The following DSE variants were observed in gnomAD, a reference collection of about 807,000 sequenced individuals.
The protein encoded by DSE is dermatan sulfate epimerase.
A neutral mutation model predicts 84.4 loss-of-function variants in DSE; 36 were observed. That is an observed-to-expected ratio of 0.43 (90% CI 0.33 to 0.56). DSE has a LOEUF of 0.56. Among genes scored for constraint, DSE ranks in the 20% least tolerant of loss-of-function variants. The probability of loss-of-function intolerance (pLI) is 0.06; values close to 1 mark genes in which losing one functional copy is unlikely to be tolerated. For synonymous variants in DSE, 410 were observed against 430.1 expected, an observed-to-expected ratio of 0.95 and a Z score of 0.58; for missense variants, 862 against 1,169.6, an observed-to-expected ratio of 0.74 and a Z score of 3.84.
rs1774842997 is a variant in DSE at position 116,299,216 on chromosome 6, C to G, written c.-54+40249C>G. 3.9e-5 allele frequency among the ~76,000 whole-genome samples: 6 copies of G among 152,006 alleles called. 1 individual carries two copies. Among genetic ancestry groups the G allele is most frequent in the Admixed American group, 3.9e-4 (6 of 15,254 alleles). ...TAGAAATTGCACAGTTGTGTCCACT[C>G]TCATGCCACTGGCAAAACTTGGTTT... On this transcript the variant is annotated intron_variant, in intron 2 of 3. Coordinates refer to the DSE transcript ENST00000430252.
chr6:116,433,059 A>G (rs569806857), intron 4 of DSE: 1 of 413,696 alleles, frequency 2.4e-6, no homozygotes, highest in East Asian at 5.0e-5. Flanking sequence ...TAGCATGAAC[A>G]TTGGAAAATG....
chr6:116,417,865 G>A (rs1782817139), intron 2 of DSE, among the ~76,000 whole-genome samples: 1 of 152,038 alleles, frequency 6.6e-6, no homozygotes, highest in East Asian at 1.9e-4. Context: ...CAGTGTCAAA[G>A]GTAAACAATA....
chr6:116,261,375 G>C (rs1772408200), intron 2 of DSE, among the ~76,000 whole-genome samples: 1 of 151,908 alleles, frequency 6.6e-6, no homozygotes, highest in Non-Finnish European at 1.5e-5. Context: ...TTTTTTGTGT[G>C]GCTATTGTGA....
chr6:116,296,183 C>T (rs1014360453), intron 2 of DSE, among the ~76,000 whole-genome samples: 20 of 152,212 alleles, frequency 1.3e-4, no homozygotes, highest in African/African-American at 4.8e-4. Flanking sequence ...TTGTGTATAA[C>T]CTACACACAT....
At chr6:116,312,440 A>G (rs1299936292) in intron 2 of DSE, among the ~76,000 whole-genome samples, 2 of 152,206 alleles carry the variant, frequency 1.3e-5, no homozygotes, top group Admixed American at 6.5e-5. Context: ...TGGCCCTTGA[A>G]GAACAGAAGG....
intron 2 of DSE, among the ~76,000 whole-genome samples, chr6:116,265,608 G>T (rs1772588882): frequency 6.6e-6 from 1 of 152,094 alleles, no homozygotes; most frequent in Non-Finnish European, 1.5e-5. Flanking sequence ...CTCCCTGCTG[G>T]TTAAGCATGG....
chr6:116,334,664 A>C (rs376319757), intron 2 of DSE, among the ~76,000 whole-genome samples: 6 of 152,290 alleles, frequency 3.9e-5, no homozygotes, highest in Admixed American at 3.9e-4. Flanking sequence ...TGAGTTTTCC[A>C]TTTAAGTCTT....
intron 2 of DSE, chr6:116,279,014 G>T: frequency 1.2e-6 from 2 of 1,614,118 alleles, no homozygotes; most frequent in Non-Finnish European, 1.7e-6. Flanking sequence ...GGGATATTCT[G>T]AATGATGTAG....
chr6:116,397,118 T>G (rs1188662407), intron 1 of DSE, among the ~76,000 whole-genome samples: 1 of 152,032 alleles, frequency 6.6e-6, no homozygotes, highest in Non-Finnish European at 1.5e-5. Flanking sequence ...CTGATTGCAT[T>G]GATGAGAGCA....
intron 2 of DSE, among the ~76,000 whole-genome samples, chr6:116,360,806 T>G (rs1222744776): frequency 6.6e-6 from 1 of 152,194 alleles, no homozygotes; most frequent in Non-Finnish European, 1.5e-5. Flanking sequence ...TTTTTTTTAA[T>G]GCCTTGCATG....
chr6:116,429,146 G>T (rs886431287), intron 3 of DSE, among the ~76,000 whole-genome samples: 2 of 152,198 alleles, frequency 1.3e-5, no homozygotes, highest in Non-Finnish European at 2.9e-5. Flanking sequence ...AAACCAGAAT[G>T]GTAGAGAATG....
intron 2 of DSE, among the ~76,000 whole-genome samples, chr6:116,296,853 A>G (rs1050153890): frequency 6.6e-6 from 1 of 152,152 alleles, no homozygotes; most frequent in African/African-American, 2.4e-5. Flanking sequence ...AATTTTTGGT[A>G]GAGTGAGAAT....
At chr6:116,257,759 T>G (rs561380340) in intron 1 of DSE, among the ~76,000 whole-genome samples, 15 of 152,280 alleles carry the variant, frequency 9.9e-5, no homozygotes, top group Non-Finnish European at 1.8e-4. Flanking sequence ...CTAATCTCAT[T>G]AGGGCTCTAA....
At chr6:116,359,800 C>G (rs1321226726) in intron 2 of DSE, among the ~76,000 whole-genome samples, 1 of 152,196 alleles carries the variant, frequency 6.6e-6, no homozygotes, top group Non-Finnish European at 1.5e-5. Flanking sequence ...GCTAGCTCAT[C>G]TATCGTTCTG....
intron 2 of DSE, chr6:116,278,593 C>T: frequency 3.1e-6 from 5 of 1,614,182 alleles, no homozygotes; most frequent in Non-Finnish European, 4.2e-6. Context: ...TCTACGGACT[C>T]CTTCACGCAA....
chr6:116,359,403 G>A (rs934429972), intron 2 of DSE, among the ~76,000 whole-genome samples: 4 of 152,058 alleles, frequency 2.6e-5, no homozygotes, highest in African/African-American at 4.8e-5. Flanking sequence ...TAGAAAAGGG[G>A]GTAATCATAA....
intron 2 of DSE, among the ~76,000 whole-genome samples, chr6:116,347,782 A>G (rs371278499): frequency 2.6e-4 from 40 of 152,276 alleles, no homozygotes; most frequent in Middle Eastern, 6.8e-3. Context: ...ACAAAAGCCA[A>G]AATTGACAAA....
intron 2 of DSE, among the ~76,000 whole-genome samples, chr6:116,284,983 T>C (rs1048642995): frequency 6.6e-6 from 1 of 152,130 alleles, no homozygotes; most frequent in Non-Finnish European, 1.5e-5. Context: ...TAAACATACA[T>C]GTGCATGTGT....
Position 116,258,445 on chromosome 6 carries a change from G to C in DSE, c.-575-1G>C, listed in dbSNP as rs1320620666. On this transcript the variant is annotated splice_acceptor_variant, in intron 1 of 3. Coordinates refer to the DSE transcript ENST00000430252. LOFTEE classifies it low-confidence loss of function (5UTR_SPLICE). ...TGTAATTTTTTTGCTTTTTTTGGTAGGGCTGCCCTGAAGGGCAGACAGGTT... is the reference window on the plus strand; with the variant it reads ...TGTAATTTTTTTGCTTTTTTTGGTACGGCTGCCCTGAAGGGCAGACAGGTT... 9 of 821,770 alleles carry C rather than the reference G, an allele frequency of 1.1e-5. No homozygotes were observed. Among genetic ancestry groups the C allele is most frequent in the Non-Finnish European group, 1.9e-5 (9 of 465,328 alleles). The allele number at this position is 821,770 out of a possible 1,614,324, so 50.9% of individuals were successfully genotyped here. A position where few individuals can be genotyped will look rare whatever the true frequency, so the allele number is the denominator to read the frequency against.
Sources: allele counts gnomAD v4.1 joint callset (sites outside exome capture counted in the v4.1 genomes callset), GRCh38; gene constraint gnomAD v4.1.1; transcripts MANE v1.5; gene names NCBI Gene and HGNC (gene_info 2026-07-23, HGNC 2026-07-21).